The following TCF12 variants were observed in gnomAD, a reference collection of about 807,000 sequenced individuals.
TCF12 encodes the protein transcription factor 12.
In TCF12, 45 loss-of-function variants were observed where a neutral mutation model predicts 86.0. The ratio of observed to expected loss-of-function variants is 0.52; its 90% CI spans 0.41 to 0.67. The LOEUF (loss-of-function observed/expected upper bound fraction) is 0.67. Among genes scored for constraint, TCF12 ranks in the 30% least tolerant of loss-of-function variants. The pLI, the probability that TCF12 is intolerant of heterozygous loss-of-function variation, is 0.00. For synonymous variants in TCF12, 330 were observed against 299.6 expected (o/e 1.10, Z -1.05); for missense variants, 881 against 859.9 (o/e 1.02, Z -0.31).
intron 5 of TCF12, among the ~76,000 whole-genome samples, chr15:57,164,754 G>T (rs895684963): frequency 3.3e-5 from 5 of 152,186 alleles, no homozygotes; most frequent in Admixed American, 1.3e-4. Context: ...GATCTTGGCT[G>T]ACCACAACCT....
rs2065634516 is a variant in TCF12 at position 57,023,664 on chromosome 15, AACTTGCTATTGAATTAGGTGT to A, written c.149-40084_149-40064del. 2.6e-5 allele frequency among the ~76,000 whole-genome samples: 4 copies of A among 152,226 alleles called. No homozygotes were observed. In the South Asian group the frequency reaches 6.2e-4, roughly 24 times the overall value. ...AAGACTCAAACACAGGGAGGTACAAAACTTGCTATTGAATTAGGTGTAAATAAGAAAACAATAAATTGGAGA... is the reference window on the plus strand; with the variant it reads ...AAGACTCAAACACAGGGAGGTACAAAAAATAAGAAAACAATAAATTGGAGA... On this transcript the variant is annotated intron_variant, in intron 3 of 20. Transcript: ENST00000333725.
At position 57,232,692 on chromosome 15, in the gene TCF12, T is replaced by G. The variant is rs1225478729; in HGVS notation, c.826-20T>G. 6.2e-7 allele frequency: 1 copy of G among 1,605,522 alleles called. No individual in the cohort carries two copies. The highest frequency in any genetic ancestry group is 1.1e-5 in the South Asian group (1 of 90,102). ...TTATTCAGAAAATATATTTAATAGATCATATCTCTTTCCATCTAGAGTTAT... is the reference window on the plus strand; with the variant it reads ...TTATTCAGAAAATATATTTAATAGAGCATATCTCTTTCCATCTAGAGTTAT... On this transcript the variant is annotated intron_variant, in intron 10 of 20. Transcript: ENST00000333725.
chr15:57,030,434 G>A (rs563750275), intron 3 of TCF12, among the ~76,000 whole-genome samples: 3 of 152,072 alleles, frequency 2.0e-5, no homozygotes, highest in Non-Finnish European at 4.4e-5. Context: ...TTTTTTTGTA[G>A]AAAATGGGAT....
At chr15:57,270,664 G>A (rs1246033073) in intron 18 of TCF12, among the ~76,000 whole-genome samples, 1 of 152,126 alleles carries the variant, frequency 6.6e-6, no homozygotes, top group African/African-American at 2.4e-5. Context: ...GGTATTTTCA[G>A]CCTTTCTGCT....
chr15:57,061,428 C>G (rs2068451045), intron 3 of TCF12, among the ~76,000 whole-genome samples: 1 of 151,804 alleles, frequency 6.6e-6, no homozygotes, highest in Non-Finnish European at 1.5e-5. Flanking sequence ...GACTCTGTCT[C>G]TACAAAATAA....
intron 5 of TCF12, among the ~76,000 whole-genome samples, chr15:57,117,664 T>C (rs1403015829): frequency 6.6e-6 from 1 of 152,212 alleles, no homozygotes; most frequent in Non-Finnish European, 1.5e-5. Context: ...CAGAAAGTAG[T>C]ACCTGGCACA....
intron 3 of TCF12, among the ~76,000 whole-genome samples, chr15:56,932,599 G>C (rs1183648765): frequency 1.3e-5 from 2 of 151,894 alleles, no homozygotes; most frequent in South Asian, 4.2e-4. Flanking sequence ...GACAGAGTGT[G>C]GCTCTGTCGC....
At chr15:57,063,643 C>A in intron 3 of TCF12, 107 bp from the exon 4 acceptor site, 2 of 766,516 alleles carry the variant, frequency 2.6e-6, no homozygotes, top group Non-Finnish European at 4.1e-6. Flanking sequence ...TTAGCTCTTC[C>A]ACGAAAGCGC....
At position 57,102,744 on chromosome 15, in the gene TCF12, A is replaced by G. The variant is rs192158422; in HGVS notation, c.325+10853A>G. Among the ~76,000 whole-genome samples, 251 of 152,328 alleles carry G rather than the reference A, an allele frequency of 1.6e-3. 1 individual carries two copies. The highest frequency in any genetic ancestry group is 4.8e-3 in the South Asian group (23 of 4,830). ...AAGTTTCTGGAGCTATACTGCCTCT[A>G]TACAGAATGGTAAGTTATTAGTTAG... On this transcript the variant is annotated intron_variant, in intron 5 of 20. Transcript: ENST00000333725.
chr15:57,219,704 A>T, intron 8 of TCF12: 115 of 553,752 alleles, frequency 2.1e-4, no homozygotes, highest in Middle Eastern at 8.0e-4. Context: ...TATGCAATGT[A>T]TTAGATTGTA....
intron 3 of TCF12, among the ~76,000 whole-genome samples, chr15:57,047,429 G>T (rs2067306749): frequency 6.6e-6 from 1 of 152,172 alleles, no homozygotes; most frequent in Non-Finnish European, 1.5e-5. Context: ...CAAGATAAGT[G>T]ATTTTTGTAT....
chr15:56,930,671 A>G (rs139248899), intron 3 of TCF12, among the ~76,000 whole-genome samples: 1,763 of 152,242 alleles, frequency 0.012, 30 homozygotes, highest in African/African-American at 0.04. Context: ...TGTTCTAAGT[A>G]TCCTTAATAT....
At chr15:56,975,641 G>T (rs573177492) in intron 3 of TCF12, among the ~76,000 whole-genome samples, 27 of 151,752 alleles carry the variant, frequency 1.8e-4, no homozygotes, top group African/African-American at 5.3e-4. Context: ...GGTTTTTTTT[G>T]TTTGTTTGTT....
At chr15:57,206,831 C>G (rs1386102331) in intron 8 of TCF12, among the ~76,000 whole-genome samples, 1 of 149,014 alleles carries the variant, frequency 6.7e-6, no homozygotes, top group Non-Finnish European at 1.5e-5. Context: ...AAAGCTGGGC[C>G]ATAGTGCCCA....
intron 3 of TCF12, among the ~76,000 whole-genome samples, chr15:56,941,628 G>A (rs1328888469): frequency 6.6e-6 from 1 of 151,490 alleles, no homozygotes; most frequent in Non-Finnish European, 1.5e-5. Flanking sequence ...GCCTTCCTCG[G>A]CCTCCCAAAG....
At chr15:57,122,984 T>C (rs1274112875) in intron 5 of TCF12, among the ~76,000 whole-genome samples, 2 of 152,160 alleles carry the variant, frequency 1.3e-5, no homozygotes, top group African/African-American at 4.8e-5. Context: ...CAGATTATTG[T>C]GGAGAAAAGG....
chr15:56,962,934 A>G (rs1427961284), intron 3 of TCF12, among the ~76,000 whole-genome samples: 1 of 152,130 alleles, frequency 6.6e-6, no homozygotes, highest in Non-Finnish European at 1.5e-5. Context: ...GTTTATACAG[A>G]AGAATTAAAT....
At chr15:57,092,129 T>A (rs2049030072) in intron 5 of TCF12, 2 of 372,078 alleles carry the variant, frequency 5.4e-6, no homozygotes, top group African/African-American at 2.0e-5. Context: ...GTGTTTTGAT[T>A]GTCAGTTTTG....
intron 12 of TCF12, among the ~76,000 whole-genome samples, chr15:57,240,879 C>CAAAAAAAAAAAAAAAAAAAAAA (rs68154303): frequency 4.6e-5 from 3 of 65,684 alleles, no homozygotes; most frequent in African/African-American, 1.1e-4. Context: ...GACCCTGTCT[C>CAAAAAAAAAAAAAAAAAAAAAA]AAAAAAAAAA....
Sources: allele counts gnomAD v4.1 joint callset (sites outside exome capture counted in the v4.1 genomes callset), GRCh38; gene constraint gnomAD v4.1.1; transcripts MANE v1.5; gene names NCBI Gene and HGNC (gene_info 2026-07-23, HGNC 2026-07-21).